The following CLIP2 variants were observed in gnomAD, a reference collection of about 807,000 sequenced individuals.
CLIP2 encodes CAP-Gly domain-containing linker protein 2.
In CLIP2, 41 loss-of-function variants were observed where a neutral mutation model predicts 111.7. The ratio of observed to expected loss-of-function variants is 0.37; its 90% CI spans 0.29 to 0.48. The LOEUF (loss-of-function observed/expected upper bound fraction) is 0.48, where lower values mean the gene tolerates loss of function less well. Among genes scored for constraint, CLIP2 ranks in the 20% least tolerant of loss-of-function variants. The pLI is 0.99. For synonymous variants in CLIP2, 660 were observed against 644.2 expected (o/e 1.02, Z -0.37); for missense variants, 1,160 against 1,422.1 (o/e 0.82, Z 2.96).
chr7:74,317,543 C>T lies in CLIP2; in HGVS notation c.-4C>T, dbSNP rs782310199. 9.1e-6 allele frequency: 13 copies of T among 1,425,014 alleles called. No individual in the cohort carries two copies. Among genetic ancestry groups the T allele is most frequent in the South Asian group, 1.6e-5 (1 of 61,970 alleles). 88.3% of individuals were successfully genotyped at this position (1,425,014 alleles called of 1,614,324 possible). A position where few individuals can be genotyped will look rare whatever the true frequency, so the allele number is the denominator to read the frequency against. On this transcript the variant is annotated 5_prime_UTR_variant, in exon 2 of 17. Transcript: ENST00000223398. The stretch of plus-strand genomic sequence containing the variant: ...CCCTTGTCCACCTGCCCAGTGGCAC[C>T]GCCATGCAGAAGCCCAGCGGCCTGA...
chr7:74,386,783 GA>G (rs1791116751), intron 12 of CLIP2, among the ~76,000 whole-genome samples, 179 bp downstream of exon 12: 1 of 152,140 alleles, frequency 6.6e-6, no homozygotes, highest in African/African-American at 2.4e-5. Flanking sequence ...AGCACTTTGG[GA>G]GTCCGAGGCA....
At chr7:74,363,278 G>A (rs937915259) in intron 7 of CLIP2, among the ~76,000 whole-genome samples, 2 of 152,256 alleles carry the variant, frequency 1.3e-5, no homozygotes, top group East Asian at 1.9e-4. Flanking sequence ...TTGGGATTAC[G>A]GGCGTGAGCC....
intron 4 of CLIP2, among the ~76,000 whole-genome samples, 189 bp from the exon 5 acceptor site, chr7:74,356,221 C>T (rs566830912): frequency 4.6e-5 from 7 of 152,250 alleles, no homozygotes; most frequent in Non-Finnish European, 8.8e-5. Context: ...ACCCTACTCA[C>T]CTATATCCTT....
chr7:74,376,600 C>G lies in CLIP2; in HGVS notation c.2199C>G (p.His733Gln). 3.1e-6 allele frequency: 5 copies of G among 1,612,836 alleles called. No homozygotes were observed. Among genetic ancestry groups the G allele is most frequent in the Non-Finnish European group, 4.2e-6 (5 of 1,179,718 alleles). Residue 733 changes from histidine to glutamine, a missense_variant, in exon 10 of 17, where the codon CAC (histidine) becomes CAG (glutamine). Physicochemically the swap from His to Gln is conservative, Grantham distance 24. This residue lies in a region of CLIP2 where 676 missense variants were observed against 777.8 expected (regional missense o/e 0.87). Transcript: ENST00000223398. The surrounding 1 kb of genome is among the most constrained non-coding windows in gnomAD (Gnocchi z 7.1). ...DQRRDAELRV[H>Q]ELEKLDVEYR... The stretch of plus-strand genomic sequence containing the variant: ...GCCGGGATGCCGAGCTGCGTGTGCA[C>G]GAGCTGGAAAAACTGGACGTGGAGT...
In CLIP2 at chr7:74,397,247, G is replaced by A. The variant is rs533822183; in HGVS notation, c.2880+14G>A. ...CTGACCGGGCTGGTATGTGGGGTAGGGGTGGCCTAGGGGCAGGGGCACTAG... is the reference window on the plus strand; with the variant it reads ...CTGACCGGGCTGGTATGTGGGGTAGAGGTGGCCTAGGGGCAGGGGCACTAG... On this transcript the variant is annotated intron_variant, in intron 14 of 16. Coordinates refer to ENST00000223398, the MANE Select transcript of CLIP2 (RefSeq NM_003388.5). The A allele has an allele frequency of 6.2e-7, 1 of 1,612,416 alleles. No individual in the cohort carries two copies. The highest frequency in any genetic ancestry group is 1.3e-5 in the African/African-American group (1 of 74,984).
chr7:74,403,951 C>T lies in CLIP2; in HGVS notation c.*103C>T. ...GGAGCCGGGACTGTCACTTTGGAGACAAAACAGTGTTTGTAACAATAACGT... is the reference window on the plus strand; with the variant it reads ...GGAGCCGGGACTGTCACTTTGGAGATAAAACAGTGTTTGTAACAATAACGT... On this transcript the variant is annotated 3_prime_UTR_variant, in exon 17 of 17. Transcript: ENST00000223398. 2 of 1,276,606 alleles carry T rather than the reference C, an allele frequency of 1.6e-6. No homozygotes were observed. The highest frequency in any genetic ancestry group is 2.3e-6 in the Non-Finnish European group (2 of 881,720). 79.1% of individuals were successfully genotyped at this position (1,276,606 alleles called of 1,614,324 possible). A position where few individuals can be genotyped will look rare whatever the true frequency, so the allele number is the denominator to read the frequency against.
intron 1 of CLIP2, among the ~76,000 whole-genome samples, chr7:74,309,280 A>G (rs575667079): frequency 6.6e-6 from 1 of 151,972 alleles, no homozygotes; most frequent in East Asian, 2.0e-4. Context: ...GTTTGAGACC[A>G]ACCTAGCCAA....
chr7:74,368,432 G>A (rs1164449315), intron 8 of CLIP2, among the ~76,000 whole-genome samples: 4 of 151,910 alleles, frequency 2.6e-5, no homozygotes, highest in Admixed American at 2.6e-4. Flanking sequence ...TAGGAGAATC[G>A]CTTGAACCTG....
At chr7:74,385,626 G>A (rs1462558144) in intron 11 of CLIP2, among the ~76,000 whole-genome samples, 5 of 151,894 alleles carry the variant, frequency 3.3e-5, no homozygotes, top group African/African-American at 7.3e-5. Context: ...ACACAAGACC[G>A]GTGACCTAGG....
At chr7:74,294,795 G>GC (rs1332657301) in intron 1 of CLIP2, among the ~76,000 whole-genome samples, 1 of 152,148 alleles carries the variant, frequency 6.6e-6, no homozygotes, top group African/African-American at 2.4e-5. Context: ...AACAATATCA[G>GC]CCCTTTCCAG....
intron 1 of CLIP2, among the ~76,000 whole-genome samples, chr7:74,306,479 G>A (rs1056043310): frequency 3.3e-5 from 5 of 152,074 alleles, no homozygotes. Flanking sequence ...TGCCTCCCTC[G>A]CCCCAGGATG....
chr7:74,335,542 G>A (rs1554731947), intron 2 of CLIP2, among the ~76,000 whole-genome samples: 1 of 149,578 alleles, frequency 6.7e-6, no homozygotes, highest in African/African-American at 2.5e-5. Context: ...GTCTTGCTAT[G>A]TTGTGCAGGC....
chr7:74,350,500 C>T (rs1789953854), intron 3 of CLIP2, among the ~76,000 whole-genome samples: 1 of 152,012 alleles, frequency 6.6e-6, no homozygotes, highest in Non-Finnish European at 1.5e-5. Context: ...GAGCCACCAT[C>T]TTTGGGCCCT....
chr7:74,326,732 G>A (rs1410470383), intron 2 of CLIP2, among the ~76,000 whole-genome samples: 2 of 151,924 alleles, frequency 1.3e-5, no homozygotes, highest in African/African-American at 2.4e-5. Context: ...CACCTCCTGG[G>A]TTCCAGCGAT....
chr7:74,329,217 C>T (rs1584330245), intron 2 of CLIP2, among the ~76,000 whole-genome samples: 1 of 151,708 alleles, frequency 6.6e-6, no homozygotes, highest in East Asian at 1.9e-4. Flanking sequence ...TGAGCCACCG[C>T]ACCCGGCCAT....
chr7:74,350,099 G>C (rs1163089840), intron 3 of CLIP2, among the ~76,000 whole-genome samples: 2 of 152,060 alleles, frequency 1.3e-5, no homozygotes, highest in Admixed American at 6.6e-5. Context: ...TGTCACCCAG[G>C]CTAGAGTGCA....
intron 1 of CLIP2, among the ~76,000 whole-genome samples, chr7:74,312,791 G>A (rs1446929530): frequency 1.3e-5 from 2 of 152,150 alleles, no homozygotes; most frequent in Non-Finnish European, 2.9e-5. Context: ...ACCCCGGCAT[G>A]TCGGCTCCAC....
At chr7:74,315,850 G>A (rs1428034287) in intron 1 of CLIP2, among the ~76,000 whole-genome samples, 1 of 151,588 alleles carries the variant, frequency 6.6e-6, no homozygotes, top group East Asian at 1.9e-4. Flanking sequence ...GGGATTACAG[G>A]CGTGAGCCAC....
chr7:74,351,426 CAA>C (rs55952428), intron 3 of CLIP2, among the ~76,000 whole-genome samples: 18 of 65,906 alleles, frequency 2.7e-4, no homozygotes, highest in Admixed American at 3.5e-4. Context: ...ATTCCAGTGT[CAA>C]AAAAAAAAAA....
Sources: gnomAD v4.1 joint callset for allele counts (sites outside exome capture counted in the v4.1 genomes callset) on GRCh38, gnomAD v4.1.1 for gene constraint, gnomAD v4.1.1 regional missense constraint, Gnocchi (gnomAD v3.1) non-coding constraint, MANE v1.5 for transcripts, NCBI Gene and HGNC (gene_info 2026-07-23, HGNC 2026-07-21) for gene names.